The following KIF2A variants were observed in gnomAD, a reference collection of about 807,000 sequenced individuals.
KIF2A encodes the protein kinesin-like protein KIF2A.
Under a neutral mutation model 100.2 loss-of-function variants are expected in KIF2A, and 22 were observed. The observed-to-expected ratio is 0.22, with a 90% CI of 0.16 to 0.31. The LOEUF is 0.31. Among genes scored for constraint, KIF2A ranks in the 10% least tolerant of loss-of-function variants. KIF2A has a pLI of 1.00. For synonymous variants in KIF2A, 268 were observed against 285.9 expected, an observed-to-expected ratio of 0.94 and a Z score of 0.63; for missense variants, 495 against 898.7, an observed-to-expected ratio of 0.55 and a Z score of 5.74.
At chr5:62,331,562 C>T (rs1489821862) in intron 1 of KIF2A, among the ~76,000 whole-genome samples, 2 of 152,076 alleles carry the variant, frequency 1.3e-5, no homozygotes, top group African/African-American at 4.8e-5. Flanking sequence ...TGTACTCCAG[C>T]CTGGGTGACA....
chr5:62,373,357 A>G (rs2111985149), intron 17 of KIF2A, among the ~76,000 whole-genome samples: 1 of 152,102 alleles, frequency 6.6e-6, no homozygotes, highest in East Asian at 1.9e-4. Context: ...ATGAGCCAGT[A>G]GTAAATAAAA....
intron 1 of KIF2A, among the ~76,000 whole-genome samples, chr5:62,320,146 A>G (rs1239529900): frequency 4.6e-5 from 7 of 152,162 alleles, no homozygotes. Context: ...TAATAATGAT[A>G]TCTTGGAGAA....
intron 17 of KIF2A, 52 bp from the exon 18 acceptor site, chr5:62,373,635 C>T (rs898809090): frequency 1.7e-5 from 23 of 1,365,678 alleles, no homozygotes; most frequent in Admixed American, 1.3e-4. Flanking sequence ...GGTATTTTCT[C>T]GTTCCTCTGC....
intron 17 of KIF2A, among the ~76,000 whole-genome samples, chr5:62,373,401 A>C (rs767448052): frequency 5.9e-5 from 9 of 151,626 alleles, no homozygotes; most frequent in Non-Finnish European, 1.3e-4. Flanking sequence ...AATCATAACA[A>C]GTTTTTTTCT....
At chr5:62,361,354 C>T in intron 10 of KIF2A, 22 bp downstream of exon 10, 3 of 1,535,898 alleles carry the variant, frequency 2.0e-6, no homozygotes, top group African/African-American at 2.7e-5. Context: ...ATTAAAGTTA[C>T]ATTCTGGTAC....
In KIF2A at chr5:62,366,488, G is replaced by C. The variant is rs369506645; in HGVS notation, c.1646+7G>C. Reference sequence around the variant, plus strand: ...CATTAAGATATGCAAATAGGTATGAGAGATAGTTCTCCATTTTGAAATTTG... The same window carrying C: ...CATTAAGATATGCAAATAGGTATGACAGATAGTTCTCCATTTTGAAATTTG... On this transcript the variant is annotated splice_region_variant and intron_variant, in intron 16 of 20. Coordinates refer to ENST00000407818, the MANE Select transcript of KIF2A (RefSeq NM_001098511.3). 2.5e-5 allele frequency: 37 copies of C among 1,505,348 alleles called. No homozygotes were observed. Among genetic ancestry groups the C allele is most frequent in the Non-Finnish European group, 3.4e-5 (37 of 1,094,026 alleles). The allele number at this position is 1,505,348 out of a possible 1,614,324, so 93.2% of individuals were successfully genotyped here.
At chr5:62,308,401 A>G in intron 1 of KIF2A, 1 of 1,366,526 alleles carries the variant, frequency 7.3e-7, no homozygotes, top group South Asian at 1.3e-5. Context: ...CCTGGTATAC[A>G]CCCAAGGGAG....
At chr5:62,351,564 CAGGATGGACAGA>C (rs1226311133) in intron 4 of KIF2A, among the ~76,000 whole-genome samples, 8 of 152,046 alleles carry the variant, frequency 5.3e-5, no homozygotes, top group Non-Finnish European at 1.2e-4. Flanking sequence ...GATGGTAGAA[CAGGATGGACAGA>C]AGTATTAAAT....
intron 1 of KIF2A, among the ~76,000 whole-genome samples, chr5:62,307,628 CTTT>C (rs34564670): frequency 3.6e-5 from 5 of 140,398 alleles, no homozygotes; most frequent in Admixed American, 7.1e-5. Flanking sequence ...ATACCGATTC[CTTT>C]TTTTTTTTTT....
chr5:62,336,254 C>T (rs977785731), intron 1 of KIF2A, among the ~76,000 whole-genome samples: 1 of 152,144 alleles, frequency 6.6e-6, no homozygotes, highest in Non-Finnish European at 1.5e-5. Context: ...AGAGTCAGGT[C>T]CACTGTTTGA....
intron 1 of KIF2A, among the ~76,000 whole-genome samples, chr5:62,335,286 A>G (rs1466238656): frequency 6.6e-6 from 1 of 152,180 alleles, no homozygotes; most frequent in East Asian, 1.9e-4. Context: ...TGGGCCTGGA[A>G]GGGCTATACA....
At position 62,386,944 on chromosome 5, in the gene KIF2A, A is replaced by T. The variant is rs1742058816; in HGVS notation, c.*1375A>T. Among the ~76,000 whole-genome samples the T allele has an allele frequency of 6.6e-6, 1 of 152,120 alleles. No individual in the cohort carries two copies. Among genetic ancestry groups the T allele is most frequent in the South Asian group, 2.1e-4 (1 of 4,826 alleles). ...GTCCAGGAGTAGATTAACAGCTAAA[A>T]ATCTCCCAAGGATATCTTGTTTTGA... On this transcript the variant is annotated 3_prime_UTR_variant, in exon 21 of 21. Coordinates refer to ENST00000407818, the MANE Select transcript of KIF2A (RefSeq NM_001098511.3).
intron 9 of KIF2A, 62 bp from the exon 10 acceptor site, chr5:62,361,180 G>A: frequency 1.2e-6 from 1 of 822,264 alleles, no homozygotes; most frequent in Non-Finnish European, 2.0e-6. Context: ...GTATTACTCA[G>A]CATTACTATT....
At chr5:62,382,802 T>C (rs1172621674) in intron 20 of KIF2A, among the ~76,000 whole-genome samples, 1 of 151,904 alleles carries the variant, frequency 6.6e-6, no homozygotes, top group Non-Finnish European at 1.5e-5. Flanking sequence ...CACAGCTAAC[T>C]TCTGTATCTA....
intron 11 of KIF2A, 109 bp downstream of exon 11, chr5:62,361,638 C>G: frequency 7.7e-6 from 5 of 650,662 alleles, no homozygotes; most frequent in Non-Finnish European, 1.4e-5. Context: ...GCTATATTAA[C>G]TGTCTATTAT....
At chr5:62,381,927 G>A (rs1240034106) in intron 20 of KIF2A, among the ~76,000 whole-genome samples, 4 of 152,322 alleles carry the variant, frequency 2.6e-5, no homozygotes, top group African/African-American at 9.6e-5. Flanking sequence ...TACTCATGAA[G>A]GGAAGCATGT....
intron 1 of KIF2A, among the ~76,000 whole-genome samples, chr5:62,313,309 A>G (rs1745644839): frequency 6.6e-6 from 1 of 152,088 alleles, no homozygotes; most frequent in Non-Finnish European, 1.5e-5. Context: ...CTCCTCCTCT[A>G]TGACCAATAT....
intron 20 of KIF2A, among the ~76,000 whole-genome samples, chr5:62,382,168 G>A (rs994693258): frequency 2.6e-5 from 4 of 152,150 alleles, no homozygotes; most frequent in African/African-American, 9.7e-5. Context: ...GAGGCCCTCT[G>A]TGATGTTGAT....
chr5:62,350,049 AT>A lies in KIF2A; in HGVS notation c.280-11del, dbSNP rs761728626. 16 of 1,559,604 alleles carry A rather than the reference AT, an allele frequency of 1.0e-5. No individual in the cohort carries two copies. In the South Asian group the frequency reaches 1.1e-4, roughly 10 times the overall value. On this transcript the variant is annotated splice_polypyrimidine_tract_variant and intron_variant, in intron 3 of 20. Transcript: ENST00000407818. The stretch of plus-strand genomic sequence containing the variant: ...AGTAAAGATAGAAAACATAATGAAC[AT>A]TTTTTCCTTTCATAGAATCGACGGA...
Sources: allele counts gnomAD v4.1 joint callset (sites outside exome capture counted in the v4.1 genomes callset), GRCh38; gene constraint gnomAD v4.1.1; transcripts MANE v1.5; gene names NCBI Gene and HGNC (gene_info 2026-07-23, HGNC 2026-07-21).